The following CRB1 variants were observed in gnomAD, a reference collection of about 807,000 sequenced individuals.
CRB1 encodes the protein protein crumbs homolog 1.
Under a neutral mutation model 120.0 loss-of-function variants are expected in CRB1, and 83 were observed. The observed-to-expected ratio is 0.69, with a 90% CI of 0.58 to 0.83. The LOEUF is 0.83. CRB1 is among the 40% of genes least tolerant of loss of function. The pLI, the probability that CRB1 is intolerant of heterozygous loss-of-function variation, is 0.00. For missense variants in CRB1, 1,699 were observed against 1,687.6 expected, an observed-to-expected ratio of 1.01 and a Z score of -0.12; for synonymous variants, 625 against 612.5, an observed-to-expected ratio of 1.02 and a Z score of -0.30.
At chr1:197,308,222 G>A (rs1026956770) in intron 1 of CRB1, among the ~76,000 whole-genome samples, 4 of 152,150 alleles carry the variant, frequency 2.6e-5, no homozygotes, top group African/African-American at 9.7e-5. Flanking sequence ...TTATAAGTAG[G>A]AGCTAAACGT....
intron 1 of CRB1, among the ~76,000 whole-genome samples, chr1:197,323,130 A>G (rs1300909389): frequency 1.3e-5 from 2 of 152,182 alleles, no homozygotes; most frequent in African/African-American, 4.8e-5. Context: ...TCTTATATTG[A>G]TTGCCAATAC....
chr1:197,356,455 G>A (rs1660485265), intron 4 of CRB1, among the ~76,000 whole-genome samples: 1 of 152,152 alleles, frequency 6.6e-6, no homozygotes, highest in African/African-American at 2.4e-5. Flanking sequence ...GTTTGGTTTT[G>A]TGGATATTTG....
intron 5 of CRB1, among the ~76,000 whole-genome samples, chr1:197,364,515 A>G (rs1660958371): frequency 6.6e-6 from 1 of 152,126 alleles, no homozygotes; most frequent in Admixed American, 6.5e-5. Flanking sequence ...GACTCTAATC[A>G]TACAAATATT....
At chr1:197,259,635 G>A in the CRB1 span, among the ~76,000 whole-genome samples, 6 of 152,136 alleles carry the variant, frequency 3.9e-5, no homozygotes, top group African/African-American at 1.4e-4. Context: ...CATGACATAC[G>A]TGTACCTGTG....
chr1:197,221,602 A>G, the CRB1 span, among the ~76,000 whole-genome samples: 1 of 152,238 alleles, frequency 6.6e-6, no homozygotes, highest in Admixed American at 6.5e-5. Context: ...TTTAAAAAAT[A>G]AAGACATTTC....
chr1:197,448,409 G>A (rs778879252), intron 11 of CRB1, among the ~76,000 whole-genome samples: 1 of 152,108 alleles, frequency 6.6e-6, no homozygotes, highest in Non-Finnish European at 1.5e-5. Context: ...CTCTTAGTTT[G>A]GGGATTCCCA....
chr1:197,276,384 T>G (rs1655208868), intron 1 of CRB1, among the ~76,000 whole-genome samples: 1 of 151,824 alleles, frequency 6.6e-6, no homozygotes, highest in South Asian at 2.1e-4. Flanking sequence ...CATAATTTTT[T>G]TATTTACTTA....
intron 4 of CRB1, among the ~76,000 whole-genome samples, chr1:197,352,595 A>C (rs1393269209): frequency 1.3e-5 from 2 of 152,190 alleles, no homozygotes; most frequent in Non-Finnish European, 2.9e-5. Flanking sequence ...AAAGGTAGAC[A>C]TTCAAGTTTA....
At chr1:197,422,371 G>T (rs1457075045) in intron 6 of CRB1, among the ~76,000 whole-genome samples, 8 of 151,166 alleles carry the variant, frequency 5.3e-5, no homozygotes, top group Admixed American at 2.0e-4. Flanking sequence ...ATGATATCTT[G>T]TGCATAGTAA....
intron 5 of CRB1, among the ~76,000 whole-genome samples, chr1:197,406,510 T>G (rs1390676119): frequency 6.6e-6 from 1 of 151,964 alleles, no homozygotes; most frequent in Non-Finnish European, 1.5e-5. Context: ...TGACCTTCCC[T>G]CCACTATTGT....
At chr1:197,252,568 ATATATATATATATATGTGTG>A in the CRB1 span, among the ~76,000 whole-genome samples, 1 of 46,898 alleles carries the variant, frequency 2.1e-5, no homozygotes, top group African/African-American at 6.2e-5. Context: ...ATATATATAT[ATATATATATATATATGTGTG>A]TGTGTGTGTG....
the CRB1 span, among the ~76,000 whole-genome samples, chr1:197,246,258 G>A: frequency 6.6e-6 from 1 of 152,008 alleles, no homozygotes; most frequent in Admixed American, 6.6e-5. Context: ...TTCTTTCTGT[G>A]GTGTTTAGCT....
chr1:197,336,378 A>G (rs1659155368), intron 2 of CRB1, among the ~76,000 whole-genome samples: 1 of 152,212 alleles, frequency 6.6e-6, no homozygotes, highest in South Asian at 2.1e-4. Context: ...TTTAATGGTC[A>G]TGGGAAATAA....
At chr1:197,271,122 C>T (rs148196282) in intron 1 of CRB1, among the ~76,000 whole-genome samples, 411 of 152,136 alleles carry the variant, frequency 2.7e-3, no homozygotes, top group African/African-American at 9.4e-3. Context: ...TCGCTTGAGA[C>T]TGGAAGGTCG....
chr1:197,368,532 G>T (rs2125377571), intron 5 of CRB1, among the ~76,000 whole-genome samples: 1 of 152,240 alleles, frequency 6.6e-6, no homozygotes, highest in East Asian at 1.9e-4. Context: ...GATTTTTGTT[G>T]ATTGCTTACT....
At chr1:197,293,901 C>A (rs963971523) in intron 1 of CRB1, among the ~76,000 whole-genome samples, 2 of 152,072 alleles carry the variant, frequency 1.3e-5, no homozygotes, top group Non-Finnish European at 2.9e-5. Context: ...ACACCTTATA[C>A]AAAAATTAAT....
chr1:197,328,297 A>T, intron 1 of CRB1, 125 bp from the exon 2 acceptor site: 1 of 724,334 alleles, frequency 1.4e-6, no homozygotes, highest in Non-Finnish European at 2.3e-6. Flanking sequence ...TTTTTTCATT[A>T]GGATGAACCC....
At chr1:197,452,430 T>C (rs1188855590) in intron 11 of CRB1, among the ~76,000 whole-genome samples, 1 of 152,192 alleles carries the variant, frequency 6.6e-6, no homozygotes, top group Non-Finnish European at 1.5e-5. Context: ...ATTGTCATTA[T>C]ATAGGCCTAG....
intron 1 of CRB1, among the ~76,000 whole-genome samples, chr1:197,296,704 C>T (rs1430777210): frequency 6.6e-6 from 1 of 152,032 alleles, no homozygotes; most frequent in Non-Finnish European, 1.5e-5. Flanking sequence ...ATAATTCCCA[C>T]ATGTTGTCGG....
Sources: gnomAD v4.1 joint callset for allele counts (sites outside exome capture counted in the v4.1 genomes callset) on GRCh38, gnomAD v4.1.1 for gene constraint, MANE v1.5 for transcripts, NCBI Gene and HGNC (gene_info 2026-07-23, HGNC 2026-07-21) for gene names.